The following NOL4 variants were observed in gnomAD, a reference collection of about 807,000 sequenced individuals.
NOL4 encodes cancer/testis antigen 125.
In NOL4, 17 loss-of-function variants were observed where a neutral mutation model predicts 75.9. That is an observed-to-expected ratio of 0.22 (90% CI 0.15 to 0.34). NOL4 has a LOEUF of 0.34. Ranked by LOEUF, NOL4 falls within the 10% of genes least tolerant of loss-of-function variation. NOL4 has a pLI of 1.00. For synonymous variants in NOL4, 292 were observed against 289.9 expected, an observed-to-expected ratio of 1.01 and a Z score of -0.07; for missense variants, 614 against 793.5, an observed-to-expected ratio of 0.77 and a Z score of 2.72.
At chr18:34,007,363 A>G (rs539090984) in intron 6 of NOL4, among the ~76,000 whole-genome samples, 1 of 152,176 alleles carries the variant, frequency 6.6e-6, no homozygotes, top group Admixed American at 6.6e-5. Context: ...GGCTACTAAT[A>G]ACCCATACTC....
chr18:34,184,810 A>G (rs1392628419), intron 1 of NOL4, among the ~76,000 whole-genome samples: 1 of 152,100 alleles, frequency 6.6e-6, no homozygotes. Context: ...CAAACTGTCT[A>G]CTCTCAAACA....
chr18:33,938,438 C>T (rs57963458), intron 9 of NOL4, among the ~76,000 whole-genome samples: 6,678 of 152,214 alleles, frequency 0.044, 168 homozygotes, highest in East Asian at 0.12. Context: ...TCCTCTCCAG[C>T]ATCTGTTGTT....
At chr18:33,869,229 C>A (rs777628217) in intron 10 of NOL4, among the ~76,000 whole-genome samples, 4 of 151,732 alleles carry the variant, frequency 2.6e-5, no homozygotes, top group Non-Finnish European at 4.4e-5. Flanking sequence ...ATTTATAGGA[C>A]AAAGTACACA....
intron 1 of NOL4, among the ~76,000 whole-genome samples, chr18:34,159,395 G>T (rs372359113): frequency 6.6e-6 from 1 of 152,090 alleles, no homozygotes; most frequent in Non-Finnish European, 1.5e-5. Flanking sequence ...TGAGATCTGC[G>T]TCCGCTTCAC....
chr18:33,886,265 T>C (rs2064642112), intron 9 of NOL4, among the ~76,000 whole-genome samples: 1 of 152,016 alleles, frequency 6.6e-6, no homozygotes, highest in African/African-American at 2.4e-5. Flanking sequence ...CAGTGGCTCA[T>C]GCCTGTAATC....
intron 1 of NOL4, among the ~76,000 whole-genome samples, chr18:34,149,207 C>T (rs2146071665): frequency 6.6e-6 from 1 of 151,564 alleles, no homozygotes; most frequent in Admixed American, 6.6e-5. Flanking sequence ...TTGAGACATG[C>T]TAATATTCAT....
At chr18:34,096,834 T>C (rs796589882) in intron 4 of NOL4, among the ~76,000 whole-genome samples, 15 of 152,288 alleles carry the variant, frequency 9.8e-5, no homozygotes, top group African/African-American at 3.4e-4. Context: ...ACGGCACTTA[T>C]TTATTTCTCA....
intron 6 of NOL4, among the ~76,000 whole-genome samples, chr18:33,993,119 A>T (rs2073039759): frequency 6.6e-6 from 1 of 151,938 alleles, no homozygotes; most frequent in Non-Finnish European, 1.5e-5. Flanking sequence ...GGACAGAACA[A>T]ATCTCAAACA....
chr18:34,204,301 C>A (rs1485484693), intron 1 of NOL4, among the ~76,000 whole-genome samples: 1 of 152,038 alleles, frequency 6.6e-6, no homozygotes, highest in African/African-American at 2.4e-5. Flanking sequence ...TTCTTGTAGT[C>A]TGCAATATGT....
chr18:33,859,417 T>C (rs528770417), intron 10 of NOL4, among the ~76,000 whole-genome samples: 1 of 152,338 alleles, frequency 6.6e-6, no homozygotes, highest in East Asian at 1.9e-4. Context: ...AGCTATTAGA[T>C]TAAATTTTAA....
chr18:33,992,329 C>A (rs2072979269), intron 6 of NOL4, among the ~76,000 whole-genome samples: 1 of 151,712 alleles, frequency 6.6e-6, no homozygotes, highest in African/African-American at 2.4e-5. Context: ...TACTTAATTT[C>A]ACTTCTCAAG....
intron 7 of NOL4, 62 bp downstream of exon 7, chr18:33,958,177 A>G: frequency 7.2e-7 from 1 of 1,393,450 alleles, no homozygotes; most frequent in Non-Finnish European, 9.9e-7. Context: ...TTTACCAACA[A>G]GCAACAACAT....
At chr18:34,190,492 T>C (rs2034834957) in intron 1 of NOL4, among the ~76,000 whole-genome samples, 1 of 151,966 alleles carries the variant, frequency 6.6e-6, no homozygotes, top group African/African-American at 2.4e-5. Context: ...TGAATAAATG[T>C]GCTGTCCTTT....
intron 9 of NOL4, among the ~76,000 whole-genome samples, chr18:33,901,142 T>C (rs1030462326): frequency 2.0e-5 from 3 of 152,336 alleles, no homozygotes; most frequent in South Asian, 2.1e-4. Flanking sequence ...TTATTTTATA[T>C]TTGCCTTTGA....
At chr18:33,868,649 TCACACACACACACACACACA>T (rs10669407) in intron 10 of NOL4, among the ~76,000 whole-genome samples, 2 of 137,900 alleles carry the variant, frequency 1.5e-5, no homozygotes, top group Non-Finnish European at 3.1e-5. Flanking sequence ...TTCCTGTATT[TCACACACACACACACACACA>T]CACACACACA....
At chr18:34,171,918 C>T (rs2033080807) in intron 1 of NOL4, among the ~76,000 whole-genome samples, 1 of 152,084 alleles carries the variant, frequency 6.6e-6, no homozygotes, top group Admixed American at 6.6e-5. Flanking sequence ...TAATCAAGTT[C>T]TTAAACATTA....
rs1013519735 is a variant in NOL4 at position 34,111,100 on chromosome 18, T to C, written c.415-5940A>G. ...GGTATTTGGAAACTGGATAACCAAATGTGGAAGAAATAAATTGGCCCTTGT... is the reference window on the plus strand; with the variant it reads ...GGTATTTGGAAACTGGATAACCAAACGTGGAAGAAATAAATTGGCCCTTGT... On this transcript the variant is annotated intron_variant, in intron 2 of 10. Coordinates refer to ENST00000261592, the MANE Select transcript of NOL4 (RefSeq NM_003787.5). Among the ~76,000 whole-genome samples, 16 of 152,224 alleles carry C rather than the reference T, an allele frequency of 1.1e-4. No homozygotes were observed. The East Asian group carries it at 3.1e-3, about 29-fold the overall frequency.
intron 4 of NOL4, among the ~76,000 whole-genome samples, chr18:34,100,366 C>T (rs2078990519): frequency 6.6e-6 from 1 of 152,114 alleles, no homozygotes; most frequent in African/African-American, 2.4e-5. Flanking sequence ...TCTCCTACCT[C>T]TTTCCCCTGC....
chr18:34,099,434 C>T (rs2078943435), intron 4 of NOL4, among the ~76,000 whole-genome samples: 1 of 150,712 alleles, frequency 6.6e-6, no homozygotes, highest in African/African-American at 2.4e-5. Flanking sequence ...AACATCCTGA[C>T]CTGTCACTTT....
Sources: gnomAD v4.1 joint callset for allele counts (sites outside exome capture counted in the v4.1 genomes callset) on GRCh38, gnomAD v4.1.1 for gene constraint, MANE v1.5 for transcripts, NCBI Gene and HGNC (gene_info 2026-07-23, HGNC 2026-07-21) for gene names.